The following TMEM14A variants were observed in gnomAD, a reference collection of about 807,000 sequenced individuals.
The protein encoded by TMEM14A is transmembrane protein 14A.
TMEM14A carries 8 observed loss-of-function variants against 11.6 expected under a neutral mutation model. The ratio of observed to expected loss-of-function variants is 0.69; its 90% confidence interval spans 0.40 to 1.24. The LOEUF (loss-of-function observed/expected upper bound fraction) is 1.24. TMEM14A is among the 50% of genes most tolerant of loss of function. TMEM14A has a pLI of 0.01. For missense variants in TMEM14A, 108 were observed against 121.9 expected, an observed-to-expected ratio of 0.89 and a Z score of 0.54; for synonymous variants, 34 against 45.5, an observed-to-expected ratio of 0.75 and a Z score of 1.02.
chr6:52,684,352 T>C (rs1769453171), intron 4 of TMEM14A, among the ~76,000 whole-genome samples, 187 bp downstream of exon 4: 1 of 152,226 alleles, frequency 6.6e-6, no homozygotes, highest in African/African-American at 2.4e-5. Context: ...AACATTCTTA[T>C]TGGATACGCA....
At chr6:52,677,455 A>G (rs569803347) in intron 2 of TMEM14A, among the ~76,000 whole-genome samples, 14 of 147,500 alleles carry the variant, frequency 9.5e-5, no homozygotes, top group Non-Finnish European at 1.8e-4. Context: ...CCTCAGGACC[A>G]CTGCTTATTA....
At chr6:52,674,257 G>T (rs1158568433) in intron 1 of TMEM14A, among the ~76,000 whole-genome samples, 1 of 152,194 alleles carries the variant, frequency 6.6e-6, no homozygotes, top group African/African-American at 2.4e-5. Flanking sequence ...GGAACACAGT[G>T]CCCTGTGGTC....
At chr6:52,672,986 T>G (rs993175104) in intron 1 of TMEM14A, among the ~76,000 whole-genome samples, 1 of 152,214 alleles carries the variant, frequency 6.6e-6, no homozygotes, top group Non-Finnish European at 1.5e-5. Context: ...TGTACAGCCC[T>G]GTCTTTCTCA....
chr6:52,674,126 G>A (rs1480163073), intron 1 of TMEM14A, among the ~76,000 whole-genome samples: 2 of 152,228 alleles, frequency 1.3e-5, no homozygotes, highest in Non-Finnish European at 2.9e-5. Flanking sequence ...CAGCTAGTAA[G>A]TGGTGGTATC....
intron 1 of TMEM14A, 58 bp from the exon 2 acceptor site, chr6:52,677,029 C>A: frequency 6.7e-7 from 1 of 1,490,614 alleles, no homozygotes; most frequent in Admixed American, 1.7e-5. Flanking sequence ...TTTTTAGATA[C>A]ATTCCCTCCC....
chr6:52,686,323 T>C lies in TMEM14A; in HGVS notation c.*274T>C, dbSNP rs1769493220. 7.6e-6 allele frequency: 3 copies of C among 396,172 alleles called. No individual in the cohort carries two copies. The highest frequency in any genetic ancestry group is 8.9e-6 in the Non-Finnish European group (2 of 223,816). 24.5% of individuals were successfully genotyped at this position (396,172 alleles called of 1,614,324 possible). ...TGTCTATTTTTTATATATTTGGTAT[T>C]TTTTGAAAATTCCAAATACTCATGT... is the stretch of plus-strand genomic sequence containing the variant. On this transcript the variant is annotated 3_prime_UTR_variant, in exon 5 of 5. Coordinates refer to ENST00000211314, the MANE Select transcript of TMEM14A (RefSeq NM_014051.4).
intron 2 of TMEM14A, among the ~76,000 whole-genome samples, chr6:52,677,501 C>A (rs1456189436): frequency 6.7e-6 from 1 of 149,556 alleles, no homozygotes; most frequent in Non-Finnish European, 1.5e-5. Flanking sequence ...TTTACATAAT[C>A]GTGGTACCAA....
intron 2 of TMEM14A, among the ~76,000 whole-genome samples, chr6:52,680,593 T>TATATATA (rs1561874928): frequency 0.022 from 2,117 of 96,384 alleles, 95 homozygotes; most frequent in South Asian, 0.05. Context: ...ATTTATATAT[T>TATATATA]TATATATATA....
Position 52,686,374 on chromosome 6 carries a change from G to A in TMEM14A, c.*325G>A. On this transcript the variant is annotated 3_prime_UTR_variant, in exon 5 of 5. Coordinates refer to ENST00000211314, the MANE Select transcript of TMEM14A (RefSeq NM_014051.4). ...CTCAAGTAAGCTTAAACTACAACTT[G>A]TCACATAAAGGAAGTCTTAAGTGGA... 2.6e-6 allele frequency: 1 copy of A among 385,516 alleles called. No homozygotes were observed. The allele number at this position is 385,516 out of a possible 1,614,324, so 23.9% of individuals were successfully genotyped here.
chr6:52,680,585 T>TTATATTTATATA (rs1769346627), intron 2 of TMEM14A, among the ~76,000 whole-genome samples: 2 of 33,264 alleles, frequency 6.0e-5, no homozygotes, highest in South Asian at 2.2e-3. Context: ...CACTATATAT[T>TTATATTTATATA]TATATATTTA....
intron 1 of TMEM14A, among the ~76,000 whole-genome samples, chr6:52,675,906 AC>A (rs1769248245): frequency 6.6e-6 from 1 of 152,196 alleles, no homozygotes. Context: ...GATAGTACAG[AC>A]TAGAGTCAAG....
At chr6:52,680,704 T>TACATATATGTGTATATATAC (rs1554137485) in intron 2 of TMEM14A, among the ~76,000 whole-genome samples, 3 of 51,100 alleles carry the variant, frequency 5.9e-5, no homozygotes, top group Non-Finnish European at 1.3e-4. Flanking sequence ...TATATATATA[T>TACATATATGTGTATATATAC]ACACATATAT....
In TMEM14A at chr6:52,686,088, G is replaced by A; in HGVS notation, c.*39G>A. On this transcript the variant is annotated 3_prime_UTR_variant, in exon 5 of 5. Transcript: ENST00000211314. ...CAGAAAACTAAGTTCATGTCATCCT[G>A]CTGTAATGGGCAGAGCATATTTTTT... 2 of 1,577,740 alleles carry A rather than the reference G, an allele frequency of 1.3e-6. No individual in the cohort carries two copies. The highest frequency in any genetic ancestry group is 1.7e-6 in the Non-Finnish European group (2 of 1,160,956).
At chr6:52,673,828 A>G (rs746076314) in intron 1 of TMEM14A, among the ~76,000 whole-genome samples, 6 of 152,212 alleles carry the variant, frequency 3.9e-5, no homozygotes, top group Admixed American at 6.5e-5. Context: ...ATATGTTATA[A>G]TACTATGGTA....
At chr6:52,680,643 A>G (rs1471121013) in intron 2 of TMEM14A, among the ~76,000 whole-genome samples, 3 of 73,580 alleles carry the variant, frequency 4.1e-5, no homozygotes, top group Admixed American at 2.1e-4. Flanking sequence ...ATATGTGTGT[A>G]TATATATGTG....
At chr6:52,680,704 T>TATATACAC (rs371102796) in intron 2 of TMEM14A, among the ~76,000 whole-genome samples, 1,363 of 50,856 alleles carry the variant, frequency 0.027, 174 homozygotes, top group South Asian at 0.048. Context: ...TATATATATA[T>TATATACAC]ACACATATAT....
At chr6:52,680,173 C>T (rs1187395752) in intron 2 of TMEM14A, among the ~76,000 whole-genome samples, 4 of 151,890 alleles carry the variant, frequency 2.6e-5, no homozygotes, top group South Asian at 4.2e-4. Context: ...CCATGAACAG[C>T]ATATAAACAT....
intron 1 of TMEM14A, among the ~76,000 whole-genome samples, chr6:52,675,754 G>C (rs1207067761): frequency 1.3e-5 from 2 of 152,230 alleles, no homozygotes; most frequent in African/African-American, 4.8e-5. Context: ...TGTTTAAACT[G>C]AATTAGTCAA....
At chr6:52,680,559 C>T (rs1769344339) in intron 2 of TMEM14A, among the ~76,000 whole-genome samples, 1 of 134,740 alleles carries the variant, frequency 7.4e-6, no homozygotes, top group South Asian at 2.4e-4. Context: ...TTATCTCCAA[C>T]TGTAACATTC....
Sources: allele counts gnomAD v4.1 joint callset (sites outside exome capture counted in the v4.1 genomes callset), GRCh38; gene constraint gnomAD v4.1.1; transcripts MANE v1.5; gene names NCBI Gene and HGNC (gene_info 2026-07-23, HGNC 2026-07-21).